Variants in GUCA1C observed in about 807,000 individuals in gnomAD.
GUCA1C encodes the protein guanylyl cyclase-activating protein 3.
A neutral mutation model predicts 16.2 loss-of-function variants in GUCA1C; 15 were observed. The ratio of observed to expected loss-of-function variants is 0.93; its 90% CI spans 0.62 to 1.43. The LOEUF (loss-of-function observed/expected upper bound fraction) is 1.43, where lower values mean the gene tolerates loss of function less well. Ranked by LOEUF, GUCA1C falls within the 40% of genes most tolerant of loss-of-function variation. The probability of loss-of-function intolerance (pLI) is 0.00; values close to 1 mark genes in which losing one functional copy is unlikely to be tolerated. For synonymous variants in GUCA1C, 78 were observed against 85.4 expected, an observed-to-expected ratio of 0.91 and a Z score of 0.48; for missense variants, 275 against 244.8, an observed-to-expected ratio of 1.12 and a Z score of -0.82.
chr3:108,917,670 G>A (rs1485419307), intron 2 of GUCA1C, among the ~76,000 whole-genome samples: 1 of 152,112 alleles, frequency 6.6e-6, no homozygotes, highest in African/African-American at 2.4e-5. Context: ...TGGCCTGAGA[G>A]GTGTAGACTC....
At chr3:108,921,859 T>G (rs1317128918) in intron 1 of GUCA1C, among the ~76,000 whole-genome samples, 17 of 152,098 alleles carry the variant, frequency 1.1e-4, no homozygotes, top group Admixed American at 1.1e-3. Flanking sequence ...AGTGGTGATT[T>G]CTGAGATTTT....
chr3:108,938,553 T>C (rs1426000075), intron 1 of GUCA1C, among the ~76,000 whole-genome samples: 1 of 152,206 alleles, frequency 6.6e-6, no homozygotes, highest in Non-Finnish European at 1.5e-5. Flanking sequence ...TAATACCTTT[T>C]GTGAATTTTA....
intron 1 of GUCA1C, among the ~76,000 whole-genome samples, chr3:108,945,963 T>C (rs1946840239): frequency 6.6e-6 from 1 of 152,176 alleles, no homozygotes; most frequent in African/African-American, 2.4e-5. Context: ...GTCATTAGTT[T>C]CAAAATTGGC....
intron 1 of GUCA1C, among the ~76,000 whole-genome samples, chr3:108,932,081 A>T (rs1433113915): frequency 2.0e-5 from 3 of 151,074 alleles, no homozygotes; most frequent in Non-Finnish European, 3.0e-5. Flanking sequence ...CAATCTCCTG[A>T]CCTCGTGATC....
rs1576551390 is a variant in GUCA1C, at chr3:108,932,370, G to A, written c.205-11785C>T. 2.7e-5 allele frequency among the ~76,000 whole-genome samples: 4 copies of A among 149,784 alleles called. No individual in the cohort carries two copies. In the South Asian group the frequency reaches 8.4e-4, roughly 32 times the overall value. The stretch of plus-strand genomic sequence containing the variant: ...AAAAAAAACAGCATCAAAGCTCCTT[G>A]GGATATAGTCCAAGAGTCTGCATTT... On this transcript the variant is annotated intron_variant, in intron 1 of 3. Transcript: ENST00000261047.
At chr3:108,930,885 T>C (rs1946660131) in intron 1 of GUCA1C, among the ~76,000 whole-genome samples, 1 of 152,208 alleles carries the variant, frequency 6.6e-6, no homozygotes, top group African/African-American at 2.4e-5. Flanking sequence ...AGGGTTGAAA[T>C]TTATTTAAGA....
At chr3:108,950,055 C>G (rs6790875) in intron 1 of GUCA1C, among the ~76,000 whole-genome samples, 2 of 152,084 alleles carry the variant, frequency 1.3e-5, no homozygotes, top group East Asian at 3.9e-4. Flanking sequence ...TCCCCATCAC[C>G]CCCAGTCCTT....
chr3:108,916,017 A>G, intron 3 of GUCA1C, 110 bp downstream of exon 3: 1 of 1,347,302 alleles, frequency 7.4e-7, no homozygotes. Flanking sequence ...AGCCTAAGTC[A>G]CAACTAGGGT....
chr3:108,933,686 G>A (rs1299049468), intron 1 of GUCA1C, among the ~76,000 whole-genome samples: 1 of 152,156 alleles, frequency 6.6e-6, no homozygotes, highest in East Asian at 1.9e-4. Context: ...AACAGTAGAG[G>A]CTGGTGAGGC....
chr3:108,909,401 A>G (rs1366661368), intron 3 of GUCA1C, among the ~76,000 whole-genome samples: 1 of 152,208 alleles, frequency 6.6e-6, no homozygotes, highest in Non-Finnish European at 1.5e-5. Flanking sequence ...TAAAAGTGGT[A>G]TGTGTGTGGC....
At chr3:108,920,222 A>C (rs1946556170) in intron 2 of GUCA1C, among the ~76,000 whole-genome samples, 1 of 152,192 alleles carries the variant, frequency 6.6e-6, no homozygotes, top group South Asian at 2.1e-4. Flanking sequence ...TAAATTTGTG[A>C]ATGTCAGGGT....
chr3:108,920,602 G>A lies in GUCA1C; in HGVS notation c.205-17C>T. The A allele has an allele frequency of 7.4e-7, 1 of 1,350,104 alleles. No homozygotes were observed. The highest frequency in any genetic ancestry group is 1.2e-5 in the South Asian group (1 of 81,674). The allele number at this position is 1,350,104 out of a possible 1,614,324, so 83.6% of individuals were successfully genotyped here. On this transcript the variant is annotated splice_polypyrimidine_tract_variant and intron_variant, in intron 1 of 3. Coordinates refer to ENST00000261047, the MANE Select transcript of GUCA1C (RefSeq NM_005459.4). ...AAATCCATCCTATGGAAAGTAAGAT[G>A]AAAAGAGAAATAAATATTTAAGAAG...
chr3:108,954,928 G>C (rs1170514588), upstream of GUCA1C, among the ~76,000 whole-genome samples: 1 of 151,892 alleles, frequency 6.6e-6, no homozygotes, highest in East Asian at 1.9e-4. Context: ...AGTAGACATG[G>C]GGTTTCACCG....
chr3:108,955,062 CTTTCT>C (rs1168675429), upstream of GUCA1C, among the ~76,000 whole-genome samples: 2 of 151,860 alleles, frequency 1.3e-5, no homozygotes, highest in East Asian at 3.9e-4. Context: ...TCACTCAATT[CTTTCT>C]TTTATTTTCA....
chr3:108,912,098 C>T (rs1430562515), intron 3 of GUCA1C, among the ~76,000 whole-genome samples: 1 of 10,062 alleles, frequency 9.9e-5, no homozygotes, highest in Non-Finnish European at 3.2e-4. Flanking sequence ...AGAGAGACTC[C>T]GTCTCAATAA....
intron 1 of GUCA1C, among the ~76,000 whole-genome samples, chr3:108,933,210 CAG>C (rs1285531096): frequency 7.9e-5 from 12 of 152,142 alleles, no homozygotes; most frequent in African/African-American, 2.9e-4. Flanking sequence ...TTGGCAATGG[CAG>C]AATCCCCCTT....
intron 1 of GUCA1C, 24 bp from the exon 2 acceptor site, chr3:108,920,609 G>A: frequency 7.7e-7 from 1 of 1,300,434 alleles, no homozygotes; most frequent in African/African-American, 1.5e-5. Flanking sequence ...GATGAAAAGA[G>A]AAATAAATAT....
At chr3:108,911,434 A>T (rs1446344962) in intron 3 of GUCA1C, among the ~76,000 whole-genome samples, 1 of 152,160 alleles carries the variant, frequency 6.6e-6, no homozygotes, top group African/African-American at 2.4e-5. Context: ...AACTTCATAA[A>T]ATATTGAGCT....
At chr3:108,946,426 A>G (rs2593920) in intron 1 of GUCA1C, among the ~76,000 whole-genome samples, 53,206 of 151,952 alleles carry the variant, frequency 0.35, 9,791 homozygotes, top group Middle Eastern at 0.49. Flanking sequence ...GTGAGCCACC[A>G]TGCACAGCCT....
Sources: allele counts gnomAD v4.1 joint callset (sites outside exome capture counted in the v4.1 genomes callset), GRCh38; gene constraint gnomAD v4.1.1; transcripts MANE v1.5; gene names NCBI Gene and HGNC (gene_info 2026-07-23, HGNC 2026-07-21).